NPAS3: variants seen among roughly 807,000 people sequenced by gnomAD.
NPAS3 encodes the protein neuronal PAS domain-containing protein 3.
Under a neutral mutation model 73.1 loss-of-function variants are expected in NPAS3, and 14 were observed. The ratio of observed to expected loss-of-function variants is 0.19; its 90% CI spans 0.13 to 0.30. The LOEUF is 0.30. Ranked by LOEUF, NPAS3 falls within the 10% of genes least tolerant of loss-of-function variation. NPAS3 has a pLI of 1.00. For missense variants in NPAS3, 1,096 were observed against 1,250.0 expected, an observed-to-expected ratio of 0.88 and a Z score of 1.86; for synonymous variants, 620 against 541.5, an observed-to-expected ratio of 1.14 and a Z score of -2.01.
chr14:33,685,882 C>T (rs562128462), intron 6 of NPAS3, among the ~76,000 whole-genome samples: 40 of 152,176 alleles, frequency 2.6e-4, no homozygotes, highest in Non-Finnish European at 5.0e-4. Flanking sequence ...GACACTGGAC[C>T]CAGGGTTTGA....
intron 4 of NPAS3, among the ~76,000 whole-genome samples, chr14:33,427,451 C>T (rs1322511662): frequency 2.0e-5 from 3 of 151,554 alleles, no homozygotes; most frequent in African/African-American, 4.8e-5. Context: ...TACTTTTATA[C>T]GGTGCTGTGT....
chr14:32,961,108 TTC>T (rs1444938281), intron 1 of NPAS3, among the ~76,000 whole-genome samples: 1 of 152,126 alleles, frequency 6.6e-6, no homozygotes, highest in Non-Finnish European at 1.5e-5. Context: ...CTAATTACAA[TTC>T]TCTGAAAAAA....
At chr14:33,223,405 T>C (rs994457735) in intron 3 of NPAS3, among the ~76,000 whole-genome samples, 1 of 152,194 alleles carries the variant, frequency 6.6e-6, no homozygotes, top group African/African-American at 2.4e-5. Context: ...TATCTTCTCT[T>C]AGTAAGTCAG....
chr14:33,599,516 T>G (rs957817078), intron 5 of NPAS3, among the ~76,000 whole-genome samples: 1 of 152,196 alleles, frequency 6.6e-6, no homozygotes, highest in Non-Finnish European at 1.5e-5. Context: ...AATTTGTCAT[T>G]ATAGCTTTAG....
chr14:33,047,901 C>G (rs1035943517), intron 1 of NPAS3, among the ~76,000 whole-genome samples: 3 of 152,128 alleles, frequency 2.0e-5, no homozygotes, highest in African/African-American at 7.2e-5. Context: ...AGCTATCCAT[C>G]TGAGATTTGC....
intron 9 of NPAS3, among the ~76,000 whole-genome samples, chr14:33,792,118 A>C (rs2063375581): frequency 6.6e-6 from 1 of 152,170 alleles, no homozygotes; most frequent in African/African-American, 2.4e-5. Flanking sequence ...CAGAGTTAGT[A>C]TTTTACTGCT....
At chr14:33,721,205 G>A (rs888398719) in intron 6 of NPAS3, among the ~76,000 whole-genome samples, 1 of 152,054 alleles carries the variant, frequency 6.6e-6, no homozygotes, top group Non-Finnish European at 1.5e-5. Flanking sequence ...TCACCTTTAA[G>A]ACCACCTCTG....
intron 4 of NPAS3, among the ~76,000 whole-genome samples, chr14:33,505,905 G>A (rs1485138161): frequency 6.6e-6 from 1 of 151,846 alleles, no homozygotes; most frequent in Non-Finnish European, 1.5e-5. Flanking sequence ...TGACCTTGTT[G>A]GAATATGCCA....
chr14:33,228,348 G>A lies in NPAS3; in HGVS notation c.385+12922G>A, dbSNP rs1363571928. Among the ~76,000 whole-genome samples, 5 of 152,086 alleles carry A rather than the reference G, an allele frequency of 3.3e-5. No homozygotes were observed. The South Asian group carries it at 8.3e-4, about 25-fold the overall frequency. On this transcript the variant is annotated intron_variant, in intron 3 of 11. Coordinates refer to ENST00000356141, the Ensembl canonical transcript of NPAS3. The stretch of plus-strand genomic sequence containing the variant: ...GGCAGCTTGATGTTTAATACTTAAC[G>A]AGACATGTAGAAGTTGATTTTATAA...
intron 10 of NPAS3, among the ~76,000 whole-genome samples, chr14:33,796,066 G>A (rs1478678011): frequency 2.6e-5 from 4 of 152,118 alleles, no homozygotes; most frequent in Non-Finnish European, 5.9e-5. Context: ...CCATTTACTG[G>A]TATCACCTCT....
chr14:33,176,813 T>A (rs1416958844), intron 2 of NPAS3, among the ~76,000 whole-genome samples: 1 of 152,100 alleles, frequency 6.6e-6, no homozygotes. Context: ...TCATAGGAGT[T>A]GTATTATTTT....
intron 4 of NPAS3, among the ~76,000 whole-genome samples, chr14:33,443,741 T>C (rs1447570544): frequency 6.6e-6 from 1 of 152,208 alleles, no homozygotes; most frequent in Non-Finnish European, 1.5e-5. Context: ...CAGGCAAATG[T>C]CTGAATGGTC....
intron 6 of NPAS3, among the ~76,000 whole-genome samples, chr14:33,726,274 C>T (rs1357969392): frequency 6.6e-6 from 1 of 152,204 alleles, no homozygotes; most frequent in African/African-American, 2.4e-5. Context: ...ATTGGACACT[C>T]TGATCAATCA....
chr14:33,744,587 A>C (rs1293637209), intron 7 of NPAS3, among the ~76,000 whole-genome samples: 1 of 152,026 alleles, frequency 6.6e-6, no homozygotes, highest in Non-Finnish European at 1.5e-5. Flanking sequence ...CAGGAGTTCA[A>C]GACCAGCCTG....
chr14:33,071,979 C>T (rs2138654893), intron 2 of NPAS3, among the ~76,000 whole-genome samples: 1 of 152,268 alleles, frequency 6.6e-6, no homozygotes. Flanking sequence ...CAATCTCCGC[C>T]TCCCAGGTTC....
chr14:33,566,091 A>G (rs920794844), intron 5 of NPAS3, among the ~76,000 whole-genome samples: 2 of 152,180 alleles, frequency 1.3e-5, no homozygotes, highest in Admixed American at 6.5e-5. Flanking sequence ...ATAAGTATCA[A>G]AATAATTCAG....
chr14:32,949,623 G>A (rs2036403223), intron 1 of NPAS3, among the ~76,000 whole-genome samples: 1 of 151,928 alleles, frequency 6.6e-6, no homozygotes, highest in South Asian at 2.1e-4. Context: ...CTCTCTTAAA[G>A]TAATATTATT....
chr14:33,480,144 T>C (rs1456111874), intron 4 of NPAS3, among the ~76,000 whole-genome samples: 1 of 152,180 alleles, frequency 6.6e-6, no homozygotes. Flanking sequence ...ACACAAAGCC[T>C]GAGAGATGTC....
At chr14:33,752,032 C>T (rs1390747553) in intron 7 of NPAS3, among the ~76,000 whole-genome samples, 2 of 152,038 alleles carry the variant, frequency 1.3e-5, no homozygotes, top group African/African-American at 4.8e-5. Flanking sequence ...CTCCTTCTCC[C>T]CAAAAAATAA....
Sources: gnomAD v4.1 joint callset for allele counts (sites outside exome capture counted in the v4.1 genomes callset) on GRCh38, gnomAD v4.1.1 for gene constraint, MANE v1.5 for transcripts, NCBI Gene and HGNC (gene_info 2026-07-23, HGNC 2026-07-21) for gene names.